CPNE4: variants seen among roughly 807,000 people sequenced by gnomAD.
CPNE4 encodes the protein copine 4, also known as copine-4.
A neutral mutation model predicts 67.9 loss-of-function variants in CPNE4; 25 were observed. That is an observed-to-expected ratio of 0.37 (90% CI 0.27 to 0.51). The LOEUF is 0.51. Ranked by LOEUF, CPNE4 falls within the 20% of genes least tolerant of loss-of-function variation. The pLI is 0.93. For synonymous variants in CPNE4, 242 were observed against 244.9 expected, an observed-to-expected ratio of 0.99 and a Z score of 0.11; for missense variants, 464 against 690.8, an observed-to-expected ratio of 0.67 and a Z score of 3.68.
At chr3:131,807,488 T>C (rs1325017540) in intron 2 of CPNE4, among the ~76,000 whole-genome samples, 1 of 152,216 alleles carries the variant, frequency 6.6e-6, no homozygotes, top group Non-Finnish European at 1.5e-5. Flanking sequence ...TATTCTCTTA[T>C]TAATGGACAT....
At chr3:132,025,275 G>A (rs2074094042) in intron 1 of CPNE4, among the ~76,000 whole-genome samples, 1 of 152,228 alleles carries the variant, frequency 6.6e-6, no homozygotes, top group Non-Finnish European at 1.5e-5. Flanking sequence ...AATTTCTGCT[G>A]CTGGTCTTGT....
At chr3:131,754,775 C>T (rs914506038) in intron 2 of CPNE4, among the ~76,000 whole-genome samples, 3 of 152,162 alleles carry the variant, frequency 2.0e-5, no homozygotes, top group African/African-American at 4.8e-5. Flanking sequence ...AACCAAGGCA[C>T]CCCTGGGCAC....
intron 2 of CPNE4, among the ~76,000 whole-genome samples, chr3:131,786,011 C>T (rs1298915224): frequency 6.6e-6 from 1 of 152,134 alleles, no homozygotes; most frequent in Non-Finnish European, 1.5e-5. Context: ...ATCAGGGTAA[C>T]TTCCATATCT....
chr3:131,917,500 A>T (rs1472246975), intron 1 of CPNE4, among the ~76,000 whole-genome samples: 1 of 152,090 alleles, frequency 6.6e-6, no homozygotes, highest in Non-Finnish European at 1.5e-5. Context: ...CAGACATGGA[A>T]GGAGTGGTGT....
chr3:131,768,118 A>G (rs1041159727), intron 2 of CPNE4, among the ~76,000 whole-genome samples: 13 of 152,170 alleles, frequency 8.5e-5, no homozygotes, highest in African/African-American at 2.4e-4. Flanking sequence ...AGAAGTGTCA[A>G]TGCTCTCTTG....
intron 2 of CPNE4, among the ~76,000 whole-genome samples, chr3:131,872,264 A>G (rs2107696409): frequency 1.3e-5 from 2 of 152,264 alleles, no homozygotes; most frequent in Admixed American, 1.3e-4. Context: ...ATTAGCTCAC[A>G]TGATTATGGA....
chr3:131,573,603 C>G (rs935899328), intron 10 of CPNE4, among the ~76,000 whole-genome samples: 7 of 152,108 alleles, frequency 4.6e-5, no homozygotes, highest in African/African-American at 1.7e-4. Context: ...ATCAATAGAG[C>G]TTTCCCTTGA....
chr3:131,724,818 G>A (rs2081966271), intron 2 of CPNE4, among the ~76,000 whole-genome samples: 1 of 152,048 alleles, frequency 6.6e-6, no homozygotes, highest in Non-Finnish European at 1.5e-5. Context: ...TAGTCCTTTA[G>A]GTTAAACTGT....
chr3:131,945,092 C>T (rs2071511154), intron 1 of CPNE4, among the ~76,000 whole-genome samples: 1 of 152,134 alleles, frequency 6.6e-6, no homozygotes, highest in Non-Finnish European at 1.5e-5. Flanking sequence ...ATGTGGCCTT[C>T]AGGAAGGTAG....
At chr3:131,696,509 T>C (rs1477477436) in intron 5 of CPNE4, 33 bp downstream of exon 5, 6 of 1,594,096 alleles carry the variant, frequency 3.8e-6, no homozygotes, top group East Asian at 2.2e-5. Flanking sequence ...GCTTTGTTAC[T>C]TCCTTCAATA....
chr3:131,808,531 A>G (rs1228401731), intron 2 of CPNE4, among the ~76,000 whole-genome samples: 1 of 151,490 alleles, frequency 6.6e-6, no homozygotes, highest in Non-Finnish European at 1.5e-5. Context: ...AAAAAAAAAG[A>G]TGGGAGATAA....
At chr3:131,882,532 C>T (rs1199571190) in intron 2 of CPNE4, among the ~76,000 whole-genome samples, 1 of 152,042 alleles carries the variant, frequency 6.6e-6, no homozygotes, top group Non-Finnish European at 1.5e-5. Flanking sequence ...ATATGAATAT[C>T]CTTTAACCCA....
intron 2 of CPNE4, among the ~76,000 whole-genome samples, chr3:131,839,172 A>T (rs2085676980): frequency 6.6e-6 from 1 of 151,910 alleles, no homozygotes; most frequent in African/African-American, 2.4e-5. Context: ...GCTGCCCTCC[A>T]TATCTTTGCA....
chr3:131,831,202 A>G, intron 2 of CPNE4, among the ~76,000 whole-genome samples: 1 of 152,206 alleles, frequency 6.6e-6, no homozygotes, highest in East Asian at 1.9e-4. Context: ...AATATTTTAA[A>G]AATTCAGTTG....
At chr3:131,689,566 ATCTTATGCTTAT>A (rs200196449) in intron 5 of CPNE4, among the ~76,000 whole-genome samples, 142,198 of 152,158 alleles carry the variant, frequency 0.93, 66,847 homozygotes, top group Middle Eastern at 0.97. Context: ...ATAATAAGCC[ATCTTATGCTTAT>A]GCCATCTATG....
intron 1 of CPNE4, among the ~76,000 whole-genome samples, chr3:132,028,181 C>CCACT (rs1213153637): frequency 5.3e-5 from 8 of 152,190 alleles, no homozygotes; most frequent in African/African-American, 1.9e-4. Flanking sequence ...GCCACCCCCT[C>CCACT]CACTTCTCCC....
chr3:132,005,346 C>T (rs113261800), intron 1 of CPNE4, among the ~76,000 whole-genome samples: 3,289 of 12,654 alleles, frequency 0.26, 159 homozygotes, highest in African/African-American at 0.42. Context: ...TATATATACA[C>T]ACACACACAC....
At chr3:131,548,909 GA>G (rs1371610028) in intron 14 of CPNE4, among the ~76,000 whole-genome samples, 48 of 152,254 alleles carry the variant, frequency 3.2e-4, no homozygotes, top group African/African-American at 1.1e-3. Context: ...TTATAAGTGG[GA>G]AAAAGTTAAG....
intron 2 of CPNE4, among the ~76,000 whole-genome samples, chr3:131,796,832 C>A (rs2083931550): frequency 6.6e-6 from 1 of 152,226 alleles, no homozygotes; most frequent in Non-Finnish European, 1.5e-5. Flanking sequence ...CAGGAGCCTT[C>A]CTCTCACTGC....
Sources: gnomAD v4.1 joint callset for allele counts (sites outside exome capture counted in the v4.1 genomes callset) on GRCh38, gnomAD v4.1.1 for gene constraint, MANE v1.5 for transcripts, NCBI Gene and HGNC (gene_info 2026-07-23, HGNC 2026-07-21) for gene names.